The following PLOD1 variants were observed in gnomAD, a reference collection of about 807,000 sequenced individuals.
The protein encoded by PLOD1 is lysine hydroxylase.
Under a neutral mutation model 94.7 loss-of-function variants are expected in PLOD1, and 70 were observed. The ratio of observed to expected loss-of-function variants is 0.74; its 90% CI spans 0.61 to 0.90. PLOD1 has a LOEUF of 0.90. PLOD1 is among the 40% of genes least tolerant of loss of function. The pLI is 0.00. For synonymous variants in PLOD1, 417 were observed against 400.2 expected (o/e 1.04, Z -0.50); for missense variants, 905 against 972.7 (o/e 0.93, Z 0.93).
At position 11,950,368 on chromosome 1, in the gene PLOD1, T is replaced by C; in HGVS notation, c.314T>C (p.Leu105Pro). 1 of 1,614,114 alleles carries C rather than the reference T, an allele frequency of 6.2e-7. No homozygotes were observed. The highest frequency in any genetic ancestry group is 8.5e-7 in the Non-Finnish European group (1 of 1,179,956). Residue 105 changes from leucine to proline, a missense_variant, in exon 4 of 19, where the codon CTG becomes CCG. Coordinates refer to ENST00000196061, the MANE Select transcript of PLOD1 (RefSeq NM_000302.4). Reference sequence around the variant, plus strand: ...TGCTCTGGCCACAGCTATGACGTGCTGTTTGCATCGGGGCCCCGGGAGCTC... The same window carrying C: ...TGCTCTGGCCACAGCTATGACGTGCCGTTTGCATCGGGGCCCCGGGAGCTC... ...VILFADSYDV[L>P]FASGPRELLK...
chr1:11,968,806 G>T (rs1235863938), intron 16 of PLOD1, among the ~76,000 whole-genome samples: 5 of 146,718 alleles, frequency 3.4e-5, no homozygotes, highest in Admixed American at 6.9e-5. Context: ...ATGAGCCACC[G>T]CACCGGGCAC....
intron 16 of PLOD1, among the ~76,000 whole-genome samples, chr1:11,969,128 C>T (rs1034444343): frequency 1.3e-5 from 2 of 148,390 alleles, no homozygotes; most frequent in African/African-American, 5.0e-5. Context: ...GCTAGGATTA[C>T]AGGTACCCAC....
At chr1:11,942,744 C>A (rs1260396070) in intron 1 of PLOD1, among the ~76,000 whole-genome samples, 1 of 152,146 alleles carries the variant, frequency 6.6e-6, no homozygotes, top group African/African-American at 2.4e-5. Flanking sequence ...CAGTGATTCC[C>A]AAATGTGGCT....
intron 18 of PLOD1, 139 bp from the exon 19 acceptor site, chr1:11,974,514 C>A: frequency 1.2e-6 from 1 of 809,682 alleles, no homozygotes; most frequent in South Asian, 1.5e-5. Flanking sequence ...TCCTTAGCAG[C>A]GCTTGTGGCT....
At chr1:11,950,211 A>G (rs563413548) in intron 3 of PLOD1, 146 bp from the exon 4 acceptor site, 19 of 798,286 alleles carry the variant, frequency 2.4e-5, no homozygotes, top group South Asian at 4.8e-5. Flanking sequence ...AGACAGAGAC[A>G]GGTCCATTTC....
At chr1:11,974,355 G>A (rs1645888491) in intron 18 of PLOD1, among the ~76,000 whole-genome samples, 1 of 152,050 alleles carries the variant, frequency 6.6e-6, no homozygotes, top group African/African-American at 2.4e-5. Context: ...GCTGGTTTTT[G>A]TATTTTTAGT....
intron 16 of PLOD1, among the ~76,000 whole-genome samples, chr1:11,970,086 C>CAAA (rs145535439): frequency 7.9e-6 from 1 of 125,994 alleles, no homozygotes; most frequent in Admixed American, 8.2e-5. Flanking sequence ...ACTAAAAATA[C>CAAA]AAAAAAAAAA....
At chr1:11,940,703 G>A (rs1645609483) in intron 1 of PLOD1, among the ~76,000 whole-genome samples, 1 of 152,226 alleles carries the variant, frequency 6.6e-6, no homozygotes, top group African/African-American at 2.4e-5. Context: ...GGAGGGCTGA[G>A]AGCTCTGGGT....
rs775321665 is a variant in PLOD1 at position 11,970,704 on chromosome 1, C to T, written c.1790C>T (p.Pro597Leu). 2.9e-5 allele frequency: 46 copies of T among 1,612,934 alleles called. No individual in the cohort carries two copies. The highest frequency in any genetic ancestry group is 3.6e-5 in the Non-Finnish European group (43 of 1,179,864). The stretch of plus-strand genomic sequence containing the variant: ...ATCCAGGGTGGCTACGAGAACGTGC[C>T]GACTATTGACATCCACATGAACCAG... Reference protein sequence around the residue: ...NRIQGGYENVPTIDIHMNQIG... With the variant: ...NRIQGGYENVLTIDIHMNQIG... Residue 597 changes from proline to leucine, a missense_variant, in exon 17 of 19, where the codon CCG becomes CTG. Transcript: ENST00000196061.
In PLOD1 at chr1:11,960,701, A is replaced by T. The variant is rs200166434; in HGVS notation, c.1031A>T (p.Tyr344Phe). ...EEFLAQHGSE[Y>F]QSVKLVGPEV... ...TTCCTGGCACAGCATGGCAGCGAGT[A>T]CCAGTCTGTGAAGCTGGTGGGCCCT... The change falls in exon 10 of 19, where the codon TAC becomes TTC. Residue 344 changes from tyrosine (Y) to phenylalanine (F), a missense_variant. Tyr to Phe is a conservative substitution (Grantham distance 22). Transcript: ENST00000196061. 6.2e-6 allele frequency: 10 copies of T among 1,613,526 alleles called. No homozygotes were observed. In the South Asian group the frequency reaches 1.1e-4, roughly 18 times the overall value.
intron 18 of PLOD1, among the ~76,000 whole-genome samples, chr1:11,973,580 C>CTT (rs976516109): frequency 1.3e-3 from 193 of 148,174 alleles, no homozygotes; most frequent in African/African-American, 4.6e-3. Context: ...AGCTATAATC[C>CTT]TTTTTTTTTT....
intron 1 of PLOD1, among the ~76,000 whole-genome samples, chr1:11,935,866 G>T (rs189757317): frequency 6.6e-6 from 1 of 150,874 alleles, no homozygotes; most frequent in Admixed American, 6.6e-5. Flanking sequence ...CTCTTGATCC[G>T]CTGGCCTCAG....
At chr1:11,944,854 G>A (rs563538019) in intron 1 of PLOD1, among the ~76,000 whole-genome samples, 9 of 152,354 alleles carry the variant, frequency 5.9e-5, no homozygotes, top group African/African-American at 2.2e-4. Context: ...AGGCCCCTTT[G>A]TTCCTACAGT....
intron 4 of PLOD1, among the ~76,000 whole-genome samples, chr1:11,951,974 C>T (rs1238848955): frequency 6.6e-6 from 1 of 152,172 alleles, no homozygotes; most frequent in Admixed American, 6.6e-5. Context: ...AATGACTTTC[C>T]ACTGCACGGA....
rs746064243 is a variant in PLOD1, at chr1:11,970,736, T to A, written c.1822T>A (p.Phe608Ile). The change falls in exon 17 of 19, where the codon TTT becomes ATT. Residue 608 changes from phenylalanine to isoleucine, a missense_variant. Coordinates refer to ENST00000196061, the MANE Select transcript of PLOD1 (RefSeq NM_000302.4). ...TIDIHMNQIG[F>I]EREWHKFLLE... is the part of the protein sequence containing the mutation. ...TGACATCCACATGAACCAGATCGGC[T>A]TTGAGCGGGAGTGGCACAAATTCCT... The A allele has an allele frequency of 1.2e-6, 2 of 1,612,236 alleles. No individual in the cohort carries two copies. Among genetic ancestry groups the A allele is most frequent in the African/African-American group, 2.7e-5 (2 of 74,306 alleles).
At position 11,967,068 on chromosome 1, in the gene PLOD1, C is replaced by A; in HGVS notation, c.1732C>A (p.Gln578Lys). The change falls in exon 16 of 19, where the codon CAG becomes AAG. Residue 578 changes from glutamine (Q) to lysine (K), a missense_variant. Transcript: ENST00000196061. Reference sequence around the variant, plus strand: ...GGTGGAGGAGATGGAGCACTTTGGCCAGTGGTCTCTGGGCAACAACAAGGT... The same window carrying A: ...GGTGGAGGAGATGGAGCACTTTGGCAAGTGGTCTCTGGGCAACAACAAGGT... ...ELVEEMEHFG[Q>K]WSLGNNKDNR... The A allele has an allele frequency of 1.2e-6, 2 of 1,612,964 alleles. No homozygotes were observed. The highest frequency in any genetic ancestry group is 8.5e-7 in the Non-Finnish European group (1 of 1,178,918).
In PLOD1 at chr1:11,958,366, C is replaced by T. The variant is rs758866058; in HGVS notation, c.844-150C>T. ...TGCTGCTTCCCTGCCCCCCCGTACC[C>T]CCTGACTGGAGTTCCCCGGCCCGGG... On this transcript the variant is annotated intron_variant, in intron 8 of 18. Coordinates refer to ENST00000196061, the MANE Select transcript of PLOD1 (RefSeq NM_000302.4). This position sits in a 1 kb window ranked among gnomAD's most constrained non-coding sequence, Gnocchi z 4.3. 5 of 856,804 alleles carry T rather than the reference C, an allele frequency of 5.8e-6. No homozygotes were observed. The highest frequency in any genetic ancestry group is 9.4e-6 in the Non-Finnish European group (5 of 529,384). The allele number at this position is 856,804 out of a possible 1,614,324, so 53.1% of individuals were successfully genotyped here. A position where few individuals can be genotyped will look rare whatever the true frequency, so the allele number is the denominator to read the frequency against.
chr1:11,959,802 G>A (rs1412653970), intron 9 of PLOD1, among the ~76,000 whole-genome samples: 1 of 151,580 alleles, frequency 6.6e-6, no homozygotes, highest in Admixed American at 6.6e-5. Context: ...TATTTTAGTA[G>A]AGATAGGGTT....
At chr1:11,953,025 C>T (rs576105782) in intron 5 of PLOD1, among the ~76,000 whole-genome samples, 2 of 152,234 alleles carry the variant, frequency 1.3e-5, no homozygotes, top group East Asian at 1.9e-4. Context: ...GGGTAGGGAG[C>T]TCACTGGGGC....
Sources: allele counts gnomAD v4.1 joint callset (sites outside exome capture counted in the v4.1 genomes callset), GRCh38; gene constraint gnomAD v4.1.1; non-coding constraint Gnocchi (gnomAD v3.1); transcripts MANE v1.5; gene names NCBI Gene and HGNC (gene_info 2026-07-23, HGNC 2026-07-21).